Variants in TEC observed in about 807,000 individuals in gnomAD.
The protein encoded by TEC is tec protein tyrosine kinase, also known as tyrosine-protein kinase Tec.
TEC carries 72 observed loss-of-function variants against 93.0 expected under a neutral mutation model. That is an observed-to-expected ratio of 0.77 (90% CI 0.64 to 0.94). The LOEUF is 0.94. Among genes scored for constraint, TEC ranks in the 40% least tolerant of loss-of-function variants. TEC has a pLI of 0.00. For synonymous variants in TEC, 249 were observed against 247.7 expected (o/e 1.01, Z -0.05); for missense variants, 630 against 757.9 (o/e 0.83, Z 1.98).
chr4:48,218,702 T>A (rs1480474715), intron 2 of TEC, among the ~76,000 whole-genome samples: 2 of 152,088 alleles, frequency 1.3e-5, no homozygotes, highest in Non-Finnish European at 2.9e-5. Context: ...CTCAACAGGC[T>A]CTTATCCCTG....
chr4:48,170,572 C>G (rs1721059251), intron 4 of TEC, among the ~76,000 whole-genome samples, 196 bp from the exon 5 acceptor site: 2 of 151,942 alleles, frequency 1.3e-5, no homozygotes, highest in Non-Finnish European at 2.9e-5. Flanking sequence ...TGTGAAGCAC[C>G]CTTGTTAGCA....
intron 11 of TEC, among the ~76,000 whole-genome samples, chr4:48,148,015 TG>T (rs901085579): frequency 1.3e-5 from 2 of 152,176 alleles, no homozygotes; most frequent in African/African-American, 4.8e-5. Flanking sequence ...TCCATTTATA[TG>T]AAATGTCCAG....
chr4:48,247,087 G>T (rs1456100032), intron 1 of TEC, among the ~76,000 whole-genome samples: 3 of 151,800 alleles, frequency 2.0e-5, no homozygotes, highest in Admixed American at 6.6e-5. Flanking sequence ...TGAAGGATTT[G>T]AATAGACATT....
At chr4:48,165,638 C>A (rs568556080) in intron 7 of TEC, among the ~76,000 whole-genome samples, 2 of 152,144 alleles carry the variant, frequency 1.3e-5, no homozygotes. Flanking sequence ...TAGCTCTACT[C>A]GCCAGTTCAC....
intron 9 of TEC, among the ~76,000 whole-genome samples, chr4:48,154,109 T>C (rs550413231): frequency 6.6e-6 from 1 of 152,362 alleles, no homozygotes; most frequent in Non-Finnish European, 1.5e-5. Flanking sequence ...AAGCTGGCAG[T>C]GACAACTCCT....
chr4:48,226,057 G>A lies in TEC; in HGVS notation c.138+2420C>T, dbSNP rs575591864. 7.2e-5 allele frequency among the ~76,000 whole-genome samples: 11 copies of A among 152,234 alleles called. No homozygotes were observed. In the East Asian group the frequency reaches 9.6e-4, roughly 13 times the overall value. The stretch of plus-strand genomic sequence containing the variant: ...GCTGCTCCAAGGCAAGATGGTGAGC[G>A]AGGTTCTGAAGGAAGAGGGATGCCA... On this transcript the variant is annotated intron_variant, in intron 2 of 17. Coordinates refer to ENST00000381501, the MANE Select transcript of TEC (RefSeq NM_003215.3).
chr4:48,149,776 T>C (rs1237663781), intron 10 of TEC, 86 bp from the exon 11 acceptor site: 2 of 1,358,968 alleles, frequency 1.5e-6, no homozygotes, highest in South Asian at 1.5e-5. Context: ...GCAACCACAG[T>C]GTCTCTCCAT....
At chr4:48,137,645 G>A (rs763536401) in intron 17 of TEC, 146 bp from the exon 18 acceptor site, 1 of 651,024 alleles carries the variant, frequency 1.5e-6, no homozygotes, top group Non-Finnish European at 2.7e-6. Flanking sequence ...AAGGGGTCTT[G>A]TCTCTACCCT....
At chr4:48,172,593 T>C (rs977737384) in intron 3 of TEC, among the ~76,000 whole-genome samples, 1 of 152,066 alleles carries the variant, frequency 6.6e-6, no homozygotes, top group African/African-American at 2.4e-5. Flanking sequence ...AGAGCCACGG[T>C]AACCAGCCAG....
At chr4:48,149,535 T>C (rs1163334350) in intron 11 of TEC, 22 bp downstream of exon 11, 1 of 1,571,592 alleles carries the variant, frequency 6.4e-7, no homozygotes, top group Non-Finnish European at 8.6e-7. Context: ...ATATTTGAAG[T>C]AGGTTTTCAC....
At chr4:48,156,773 T>C (rs772728499) in intron 8 of TEC, 39 bp from the exon 9 acceptor site, 1 of 1,518,354 alleles carries the variant, frequency 6.6e-7, no homozygotes, top group East Asian at 2.3e-5. Context: ...CCTCAGGTTT[T>C]TAGGATATAT....
At chr4:48,169,674 C>T (rs568891980) in intron 5 of TEC, among the ~76,000 whole-genome samples, 1 of 152,304 alleles carries the variant, frequency 6.6e-6, no homozygotes, top group African/African-American at 2.4e-5. Flanking sequence ...TACTACAGCA[C>T]TAGTAACTTA....
chr4:48,223,030 T>C (rs557521375), intron 2 of TEC, among the ~76,000 whole-genome samples: 8 of 152,272 alleles, frequency 5.3e-5, no homozygotes, highest in Non-Finnish European at 1.0e-4. Flanking sequence ...ACAGATCAGA[T>C]GTGTGTTGGG....
In TEC at chr4:48,249,720, A is replaced by T. The variant is rs576996201; in HGVS notation, c.-46+20032T>A. On this transcript the variant is annotated intron_variant, in intron 1 of 17. Transcript: ENST00000381501. ...CTAACCCTGAGCTGAAATGTCTCAG[A>T]TTACTATAACTAAGAATTACTAAGA... Among the ~76,000 whole-genome samples, 78 of 152,350 alleles carry T rather than the reference A, an allele frequency of 5.1e-4. 1 individual carries two copies. Among genetic ancestry groups the T allele is most frequent in the African/African-American group, 1.9e-3 (78 of 41,582 alleles).
At position 48,151,016 on chromosome 4, in the gene TEC, C is replaced by G. The variant is rs1243821975; in HGVS notation, c.793-74G>C. ...CATTGCCATGGAGAAGACTAAAGAA[C>G]CTAATATTATAATTTTATGATTATT... is the stretch of plus-strand genomic sequence containing the variant. On this transcript the variant is annotated intron_variant, in intron 9 of 17. Transcript: ENST00000381501. 7.4e-6 allele frequency: 7 copies of G among 946,138 alleles called. No individual in the cohort carries two copies. The African/African-American group carries it at 1.2e-4, about 16-fold the overall frequency. The allele number at this position is 946,138 out of a possible 1,614,324, so 58.6% of individuals were successfully genotyped here. A position where few individuals can be genotyped will look rare whatever the true frequency, so the allele number is the denominator to read the frequency against.
At chr4:48,221,874 G>A (rs865965955) in intron 2 of TEC, among the ~76,000 whole-genome samples, 5 of 152,048 alleles carry the variant, frequency 3.3e-5, no homozygotes, top group South Asian at 4.2e-4. Context: ...ACATAGCTAC[G>A]GCTGAAAGGG....
chr4:48,150,914 T>C lies in TEC; in HGVS notation c.821A>G (p.Asp274Gly). Residue 274 changes from aspartate to glycine, a missense_variant, in exon 10 of 18, where the codon GAT becomes GGT. Around this residue, in one of 3 missense-constraint regions of TEC, gnomAD observed 335 missense variants for 351.5 expected, o/e 0.95. Coordinates refer to ENST00000381501, the MANE Select transcript of TEC (RefSeq NM_003215.3). ...EDKEGGFMVR[D>G]SSQPGLYTVS... is the part of the protein sequence containing the mutation. ...TGTGTACAAGCCTGGTTGACTGGAA[T>C]CCCTTACCATAAAACCACCTTCTTT... The C allele has an allele frequency of 6.3e-7, 1 of 1,588,242 alleles. No homozygotes were observed.
At chr4:48,174,719 A>G (rs971645055) in intron 3 of TEC, among the ~76,000 whole-genome samples, 13 of 152,046 alleles carry the variant, frequency 8.6e-5, no homozygotes, top group African/African-American at 3.1e-4. Context: ...TCCATTATAT[A>G]TGCATTAAAC....
At chr4:48,217,746 G>A (rs1723128582) in intron 2 of TEC, among the ~76,000 whole-genome samples, 1 of 151,768 alleles carries the variant, frequency 6.6e-6, no homozygotes. Flanking sequence ...GGCTGGAGGG[G>A]CAGGGAGGGT....
Sources: gnomAD v4.1 joint callset for allele counts (sites outside exome capture counted in the v4.1 genomes callset) on GRCh38, gnomAD v4.1.1 for gene constraint, gnomAD v4.1.1 regional missense constraint, MANE v1.5 for transcripts, NCBI Gene and HGNC (gene_info 2026-07-23, HGNC 2026-07-21) for gene names.